Variants in ZDHHC13 observed in about 807,000 individuals in gnomAD.
ZDHHC13 encodes palmitoyltransferase ZDHHC13.
A neutral mutation model predicts 86.0 loss-of-function variants in ZDHHC13; 85 were observed. The ratio of observed to expected loss-of-function variants is 0.99; its 90% CI spans 0.83 to 1.18. The LOEUF (loss-of-function observed/expected upper bound fraction) is 1.18, where lower values mean the gene tolerates loss of function less well. ZDHHC13 is among the 50% of genes most tolerant of loss of function. The pLI, the probability that ZDHHC13 is intolerant of heterozygous loss-of-function variation, is 0.00. For missense variants in ZDHHC13, 711 were observed against 730.2 expected, an observed-to-expected ratio of 0.97 and a Z score of 0.30; for synonymous variants, 263 against 246.4, an observed-to-expected ratio of 1.07 and a Z score of -0.63.
chr11:19,152,331 A>G lies in ZDHHC13; in HGVS notation c.747+11A>G, dbSNP rs201040789. 2.0e-5 allele frequency: 32 copies of G among 1,611,322 alleles called. 1 individual carries two copies. The African/African-American group carries it at 2.5e-4, about 13-fold the overall frequency. ...ATCCAGAATGTTAAGGTATGGCCAG[A>G]TATTTATCTCCCTTAGTTTATTATA... On this transcript the variant is annotated intron_variant, in intron 7 of 16. Transcript: ENST00000446113.
At chr11:19,158,634 C>CA (rs1344362125) in intron 9 of ZDHHC13, among the ~76,000 whole-genome samples, 1 of 151,976 alleles carries the variant, frequency 6.6e-6, no homozygotes, top group Non-Finnish European at 1.5e-5. Context: ...ATTAGAAATA[C>CA]AAAAGATCCA....
chr11:19,123,414 G>C (rs1336697381), intron 1 of ZDHHC13, among the ~76,000 whole-genome samples: 1 of 152,076 alleles, frequency 6.6e-6, no homozygotes, highest in African/African-American at 2.4e-5. Flanking sequence ...ATAACTTGAG[G>C]TCAGGAGTTT....
chr11:19,159,105 T>G, intron 10 of ZDHHC13, 65 bp downstream of exon 10: 1 of 1,182,124 alleles, frequency 8.5e-7, no homozygotes, highest in Non-Finnish European at 1.2e-6. Context: ...ATGTTATTGT[T>G]AGGAATTTAG....
chr11:19,119,146 C>G (rs1848707493), intron 1 of ZDHHC13, among the ~76,000 whole-genome samples: 1 of 152,118 alleles, frequency 6.6e-6, no homozygotes, highest in South Asian at 2.1e-4. Flanking sequence ...GAGTCTTGCT[C>G]TGTTGCCAGG....
intron 1 of ZDHHC13, among the ~76,000 whole-genome samples, chr11:19,140,991 A>C (rs1303056461): frequency 1.3e-5 from 2 of 151,660 alleles, no homozygotes; most frequent in African/African-American, 2.4e-5. Context: ...GGTGCAGCGC[A>C]CCGGCATGGC....
In ZDHHC13 at chr11:19,117,311, C is replaced by A; in HGVS notation, c.27+35C>A. On this transcript the variant is annotated intron_variant, in intron 1 of 16. Transcript: ENST00000446113. This position sits in a 1 kb window ranked among gnomAD's most constrained non-coding sequence, Gnocchi z 4.2. The stretch of plus-strand genomic sequence containing the variant: ...GCCGGGCGGTGGCTGTCCTGGGGGC[C>A]GGGAGAGCGGCTGCAGCTGTGGAGG... The A allele has an allele frequency of 6.9e-7, 1 of 1,439,818 alleles. No homozygotes were observed. The highest frequency in any genetic ancestry group is 9.1e-7 in the Non-Finnish European group (1 of 1,095,790). 89.2% of individuals were successfully genotyped at this position (1,439,818 alleles called of 1,614,324 possible).
chr11:19,135,567 C>T (rs1849114878), intron 1 of ZDHHC13, among the ~76,000 whole-genome samples: 1 of 152,218 alleles, frequency 6.6e-6, no homozygotes, highest in South Asian at 2.1e-4. Flanking sequence ...GGGTGGAGCC[C>T]ACCACAGCTC....
chr11:19,155,296 A>G lies in ZDHHC13; in HGVS notation c.874-500A>G, dbSNP rs192721124. On this transcript the variant is annotated intron_variant, in intron 8 of 16. Transcript: ENST00000446113. ...ACAAAACAAAATATGTTTAAGTAAC[A>G]TTTTATAAAATGTAGGGTTTTTAAA... 3.2e-3 allele frequency among the ~76,000 whole-genome samples: 485 copies of G among 152,320 alleles called. 2 individuals are homozygous for G. The highest frequency in any genetic ancestry group is 8.5e-3 in the Admixed American group (130 of 15,292).
intron 6 of ZDHHC13, among the ~76,000 whole-genome samples, chr11:19,151,733 G>C (rs1404715287): frequency 1.3e-5 from 2 of 151,980 alleles, no homozygotes; most frequent in Non-Finnish European, 2.9e-5. Flanking sequence ...ATTTATACCT[G>C]CTTTATTTAA....
At chr11:19,129,342 A>G (rs1848941462) in intron 1 of ZDHHC13, among the ~76,000 whole-genome samples, 2 of 152,224 alleles carry the variant, frequency 1.3e-5, no homozygotes, top group Admixed American at 6.5e-5. Context: ...GTCTTGGAGT[A>G]AAAATGGTCT....
intron 4 of ZDHHC13, 131 bp downstream of exon 4, chr11:19,147,804 A>G: frequency 3.5e-6 from 2 of 564,090 alleles, no homozygotes; most frequent in Non-Finnish European, 5.7e-6. Context: ...AATAAATTTC[A>G]GCTTTAAAGA....
chr11:19,117,956 AG>A lies in ZDHHC13; in HGVS notation c.27+681del, dbSNP rs2133348319. ...TTACAGGAGGTAGATGTTGTCTCCA[AG>A]AAAACAAGATTTTTGTGCTTTTTGC... On this transcript the variant is annotated intron_variant, in intron 1 of 16. Coordinates refer to ENST00000446113, the MANE Select transcript of ZDHHC13 (RefSeq NM_019028.3). The surrounding 1 kb of genome is among the most constrained non-coding windows in gnomAD (Gnocchi z 4.2). The A allele has an allele frequency of 6.6e-6, 1 of 152,378 alleles. No individual in the cohort carries two copies. Among genetic ancestry groups the A allele is most frequent in the East Asian group, 1.9e-4 (1 of 5,176 alleles). The allele number at this position is 152,378 out of a possible 1,614,324, so 9.4% of individuals were successfully genotyped here.
At chr11:19,142,206 A>G (rs1849340803) in intron 1 of ZDHHC13, among the ~76,000 whole-genome samples, 1 of 152,138 alleles carries the variant, frequency 6.6e-6, no homozygotes, top group South Asian at 2.1e-4. Context: ...GTATGATCAA[A>G]GTCTCATTTT....
At chr11:19,156,996 T>A (rs1421038303) in intron 9 of ZDHHC13, among the ~76,000 whole-genome samples, 1 of 152,250 alleles carries the variant, frequency 6.6e-6, no homozygotes, top group African/African-American at 2.4e-5. Context: ...CTTCTCCTCA[T>A]TGCACTGTAC....
intron 4 of ZDHHC13, 110 bp downstream of exon 4, chr11:19,147,783 C>A: frequency 1.4e-6 from 1 of 710,100 alleles, no homozygotes; most frequent in Non-Finnish European, 2.1e-6. Context: ...CCCCCCCCCC[C>A]TTTATTTAAA....
chr11:19,165,837 C>T (rs1348784319), intron 13 of ZDHHC13, among the ~76,000 whole-genome samples: 1 of 152,118 alleles, frequency 6.6e-6, no homozygotes, highest in Non-Finnish European at 1.5e-5. Flanking sequence ...TCCAAAATCC[C>T]GCCTGGTTCC....
chr11:19,170,478 G>A lies in ZDHHC13; in HGVS notation c.1542G>A (p.Val514=). The change falls in exon 15 of 17, where the codon GTG becomes GTA. Residue 514 remains valine, a synonymous_variant. Coordinates refer to ENST00000446113, the MANE Select transcript of ZDHHC13 (RefSeq NM_019028.3). ...TATGGACTTACCTCAATCAGATTGTGGCCTGTTCCCCTTGGGTTTTATATA... is the reference window on the plus strand; with the variant it reads ...TATGGACTTACCTCAATCAGATTGTAGCCTGTTCCCCTTGGGTTTTATATA... The part of the protein sequence containing the change: ...DGLWTYLNQI[V]ACSPWVLYIL... 6.5e-7 allele frequency: 1 copy of A among 1,527,722 alleles called. No homozygotes were observed. Among genetic ancestry groups the A allele is most frequent in the Non-Finnish European group, 8.8e-7 (1 of 1,139,218 alleles). 94.6% of individuals were successfully genotyped at this position (1,527,722 alleles called of 1,614,324 possible).
At chr11:19,146,127 A>G (rs1849457227) in intron 2 of ZDHHC13, 54 bp from the exon 3 acceptor site, 1 of 1,496,520 alleles carries the variant, frequency 6.7e-7, no homozygotes, top group Admixed American at 2.4e-5. Flanking sequence ...AGAAATTTTG[A>G]TATTTGAAAT....
chr11:19,144,298 C>G (rs538272237), intron 2 of ZDHHC13, among the ~76,000 whole-genome samples: 2 of 152,164 alleles, frequency 1.3e-5, no homozygotes, highest in East Asian at 3.9e-4. Context: ...AGAAATTAGG[C>G]TCTTTTTAGA....
Sources: gnomAD v4.1 joint callset for allele counts (sites outside exome capture counted in the v4.1 genomes callset) on GRCh38, gnomAD v4.1.1 for gene constraint, Gnocchi (gnomAD v3.1) non-coding constraint, MANE v1.5 for transcripts, NCBI Gene and HGNC (gene_info 2026-07-23, HGNC 2026-07-21) for gene names.